Variants in ADAMTS6 observed in about 807,000 individuals in gnomAD.
ADAMTS6 encodes A disintegrin and metalloproteinase with thrombospondin motifs 6.
Under a neutral mutation model 144.3 loss-of-function variants are expected in ADAMTS6, and 23 were observed. The observed-to-expected ratio is 0.16, with a 90% CI of 0.11 to 0.23. The LOEUF (loss-of-function observed/expected upper bound fraction) is 0.23. Ranked by LOEUF, ADAMTS6 falls within the 10% of genes least tolerant of loss-of-function variation. ADAMTS6 has a pLI of 1.00. For synonymous variants in ADAMTS6, 444 were observed against 457.5 expected, an observed-to-expected ratio of 0.97 and a Z score of 0.38; for missense variants, 999 against 1,379.6, an observed-to-expected ratio of 0.72 and a Z score of 4.37.
chr5:65,172,370 C>A (rs56330747), intron 23 of ADAMTS6, among the ~76,000 whole-genome samples: 20,938 of 150,216 alleles, frequency 0.14, 1,546 homozygotes, highest in Non-Finnish European at 0.16. Context: ...GCCGAGATCG[C>A]GCCACTGCAC....
intron 7 of ADAMTS6, among the ~76,000 whole-genome samples, chr5:65,411,139 G>A (rs929779968): frequency 7.2e-5 from 11 of 152,140 alleles, no homozygotes; most frequent in Middle Eastern, 3.4e-3. Flanking sequence ...AGCCTGGCCT[G>A]CTTCTTTTTT....
At chr5:65,195,381 A>T (rs1324391226) in intron 21 of ADAMTS6, among the ~76,000 whole-genome samples, 2 of 152,244 alleles carry the variant, frequency 1.3e-5, no homozygotes, top group Non-Finnish European at 2.9e-5. Flanking sequence ...TGGTGATAAC[A>T]TTTTGAAAAG....
At chr5:65,408,693 T>C (rs182292298) in intron 7 of ADAMTS6, among the ~76,000 whole-genome samples, 59 of 152,284 alleles carry the variant, frequency 3.9e-4, no homozygotes, top group African/African-American at 1.1e-3. Context: ...CAACAGAAGA[T>C]ACATTCTTCT....
intron 11 of ADAMTS6, among the ~76,000 whole-genome samples, chr5:65,280,773 T>G (rs981990889): frequency 3.3e-5 from 5 of 152,218 alleles, no homozygotes; most frequent in African/African-American, 1.2e-4. Context: ...GTCCTGTTGT[T>G]GAAACTGGAA....
At chr5:65,179,044 C>G (rs1754164607) in intron 22 of ADAMTS6, among the ~76,000 whole-genome samples, 1 of 133,916 alleles carries the variant, frequency 7.5e-6, no homozygotes, top group Non-Finnish European at 1.7e-5. Context: ...AAAAGGATGA[C>G]AAGCCCTGCT....
intron 15 of ADAMTS6, among the ~76,000 whole-genome samples, chr5:65,232,138 AAAAC>A (rs1411337374): frequency 6.6e-6 from 1 of 152,132 alleles, no homozygotes; most frequent in African/African-American, 2.4e-5. Context: ...CAACAACAAC[AAAAC>A]AAACCAACAA....
chr5:65,351,742 T>G (rs1456424108), intron 7 of ADAMTS6, among the ~76,000 whole-genome samples: 1 of 151,990 alleles, frequency 6.6e-6, no homozygotes, highest in South Asian at 2.1e-4. Context: ...TAATCACACC[T>G]TTGAATAGCC....
At chr5:65,311,954 T>C (rs1019763724) in intron 9 of ADAMTS6, among the ~76,000 whole-genome samples, 3 of 152,090 alleles carry the variant, frequency 2.0e-5, no homozygotes, top group Non-Finnish European at 2.9e-5. Context: ...ATGTTGCTAA[T>C]ATATCAACAT....
At chr5:65,408,923 C>A (rs1754811469) in intron 7 of ADAMTS6, among the ~76,000 whole-genome samples, 1 of 152,136 alleles carries the variant, frequency 6.6e-6, no homozygotes, top group South Asian at 2.1e-4. Flanking sequence ...GAAATGAAGG[C>A]AGAAATAAAG....
At chr5:65,423,863 C>T (rs1023198465) in intron 7 of ADAMTS6, among the ~76,000 whole-genome samples, 23 of 152,104 alleles carry the variant, frequency 1.5e-4, no homozygotes, top group African/African-American at 5.6e-4. Flanking sequence ...AAAGCCCATT[C>T]TTTGGAACCA....
chr5:65,176,154 G>C (rs1753969816), intron 22 of ADAMTS6, among the ~76,000 whole-genome samples: 1 of 152,066 alleles, frequency 6.6e-6, no homozygotes, highest in Non-Finnish European at 1.5e-5. Flanking sequence ...TGTAAAAAGA[G>C]TGTTATATGG....
chr5:65,177,648 C>G, intron 22 of ADAMTS6, among the ~76,000 whole-genome samples: 1 of 152,290 alleles, frequency 6.6e-6, no homozygotes. Flanking sequence ...TTCCTAAAAT[C>G]GTACATTCAT....
chr5:65,323,120 T>G (rs1165429765), intron 9 of ADAMTS6, among the ~76,000 whole-genome samples: 1 of 152,110 alleles, frequency 6.6e-6, no homozygotes, highest in East Asian at 1.9e-4. Context: ...TATTTTTAAT[T>G]TTATTGTTAT....
At chr5:65,335,761 AATAGTT>A (rs1747245021) in intron 7 of ADAMTS6, among the ~76,000 whole-genome samples, 1 of 152,176 alleles carries the variant, frequency 6.6e-6, no homozygotes, top group African/African-American at 2.4e-5. Flanking sequence ...TAAATGTAAA[AATAGTT>A]AGAGTTACAT....
At chr5:65,203,183 A>C (rs1477616033) in intron 20 of ADAMTS6, among the ~76,000 whole-genome samples, 1 of 152,232 alleles carries the variant, frequency 6.6e-6, no homozygotes, top group East Asian at 1.9e-4. Context: ...AACTAGAAAT[A>C]GGAAATTGTG....
chr5:65,232,516 A>G lies in ADAMTS6; in HGVS notation c.1934-6297T>C, dbSNP rs147174729. Among the ~76,000 whole-genome samples, 69 of 152,176 alleles carry G rather than the reference A, an allele frequency of 4.5e-4. No homozygotes were observed. In the East Asian group the frequency reaches 0.012, roughly 25 times the overall value. ...ATAAAAATCAGAAATGGAAGAGGAG[A>G]CATTACAACAGACACCACAGAAATG... On this transcript the variant is annotated intron_variant, in intron 15 of 24. Coordinates refer to ENST00000381055, the MANE Select transcript of ADAMTS6 (RefSeq NM_197941.4).
chr5:65,377,950 C>T (rs544181406), intron 7 of ADAMTS6, among the ~76,000 whole-genome samples: 2 of 152,242 alleles, frequency 1.3e-5, no homozygotes, highest in South Asian at 4.2e-4. Context: ...CCTTGACATG[C>T]ATCATTTCAG....
intron 7 of ADAMTS6, among the ~76,000 whole-genome samples, chr5:65,441,277 C>G (rs1394656483): frequency 6.6e-6 from 1 of 151,952 alleles, no homozygotes; most frequent in Admixed American, 6.6e-5. Flanking sequence ...ATAGAAACTA[C>G]CCAAAATTGA....
chr5:65,178,121 G>A (rs947548143), intron 22 of ADAMTS6, among the ~76,000 whole-genome samples: 8 of 152,260 alleles, frequency 5.3e-5, no homozygotes, highest in Middle Eastern at 3.4e-3. Context: ...GTTCATCCCC[G>A]AGCGGATGTG....
Sources: allele counts gnomAD v4.1 joint callset (sites outside exome capture counted in the v4.1 genomes callset), GRCh38; gene constraint gnomAD v4.1.1; transcripts MANE v1.5; gene names NCBI Gene and HGNC (gene_info 2026-07-23, HGNC 2026-07-21).